AKAP1: variants seen among roughly 807,000 people sequenced by gnomAD.
AKAP1 encodes the protein A-kinase anchor protein 1, mitochondrial.
AKAP1 carries 32 observed loss-of-function variants against 79.8 expected under a neutral mutation model. The observed-to-expected ratio is 0.40, with a 90% confidence interval of 0.30 to 0.54. AKAP1 has a LOEUF of 0.54. Ranked by LOEUF, AKAP1 falls within the 20% of genes least tolerant of loss-of-function variation. The pLI, the probability that AKAP1 is intolerant of heterozygous loss-of-function variation, is 0.47. For missense variants in AKAP1, 961 were observed against 1,138.9 expected (o/e 0.84, Z 2.25); for synonymous variants, 416 against 466.7 (o/e 0.89, Z 1.40).
At chr17:57,115,410 CAGGGGTT>C (rs1254788640) in intron 6 of AKAP1, among the ~76,000 whole-genome samples, 3 of 152,214 alleles carry the variant, frequency 2.0e-5, no homozygotes, top group African/African-American at 7.2e-5. Context: ...GGGTAACTGC[CAGGGGTT>C]CTCTCCAAGG....
At chr17:57,120,158 A>T in intron 10 of AKAP1, 92 bp from the exon 11 acceptor site, 2 of 1,123,352 alleles carry the variant, frequency 1.8e-6, no homozygotes, top group Non-Finnish European at 2.6e-6. Flanking sequence ...TGTTGCCTGC[A>T]GTGGCAACCG....
rs377588182 is a variant in AKAP1, at chr17:57,116,139, G to A, written c.2310G>A (p.Ala770=). ...EITVICAAPG[A]DGAWWRAQVV... ...CGGTCATCTGTGCCGCCCCTGGTGC[G>A]GACGGGGCCTGGTGGCGAGCCCAAG... The change falls in exon 7 of 11, where the codon GCG becomes GCA. Residue 770 remains alanine, a synonymous_variant. Transcript: ENST00000337714. 4.2e-5 allele frequency: 67 copies of A among 1,613,680 alleles called. No individual in the cohort carries two copies. Among genetic ancestry groups the A allele is most frequent in the African/African-American group, 3.6e-4 (27 of 74,938 alleles).
chr17:57,095,425 G>A (rs1288124120), intron 1 of AKAP1: 1 of 151,630 alleles, frequency 6.6e-6, no homozygotes. Flanking sequence ...CGAAGTGTTG[G>A]GGATTGTAGG....
At chr17:57,104,053 G>A (rs1026993042) in intron 1 of AKAP1, among the ~76,000 whole-genome samples, 5 of 152,008 alleles carry the variant, frequency 3.3e-5, no homozygotes, top group Admixed American at 6.6e-5. Flanking sequence ...CCACCCCCCT[G>A]GATTCAAGCA....
Position 57,106,691 on chromosome 17 carries a change from G to A in AKAP1, c.1227G>A (p.Glu409=), listed in dbSNP as rs370545243. Residue 409 remains glutamate, a synonymous_variant, in exon 2 of 11, where the codon GAG becomes GAA. Transcript: ENST00000337714. ...ACACTGCGGAGCCTGCCACAGCAGA[G>A]GCAGCTGTTGCCCCGCCGGATGCTG... ...GPDTAEPATA[E]AAVAPPDAGL... 6.8e-6 allele frequency: 11 copies of A among 1,613,952 alleles called. No individual in the cohort carries two copies. Among genetic ancestry groups the A allele is most frequent in the Non-Finnish European group, 9.3e-6 (11 of 1,180,034 alleles).
chr17:57,103,041 T>C (rs1473846884), intron 1 of AKAP1, among the ~76,000 whole-genome samples: 1 of 152,136 alleles, frequency 6.6e-6, no homozygotes, highest in Non-Finnish European at 1.5e-5. Flanking sequence ...ATCACACCAC[T>C]GCACTCCAGC....
chr17:57,119,129 T>TTG, intron 10 of AKAP1, 85 bp downstream of exon 10: 4 of 1,445,008 alleles, frequency 2.8e-6, no homozygotes, highest in Non-Finnish European at 3.9e-6. Context: ...TTGTTTCCTC[T>TTG]TGAGTTAATC....
chr17:57,095,485 T>TCTGCCCTCCA (rs1914050330), intron 1 of AKAP1: 1 of 138,182 alleles, frequency 7.2e-6, no homozygotes. Context: ...TTTTTTTTTT[T>TCTGCCCTCCA]CTTCTGCCCT....
At position 57,116,104 on chromosome 17, in the gene AKAP1, C is replaced by T; in HGVS notation, c.2282-7C>T. The T allele has an allele frequency of 1.9e-6, 3 of 1,611,656 alleles. No individual in the cohort carries two copies. Among genetic ancestry groups the T allele is most frequent in the Non-Finnish European group, 2.5e-6 (3 of 1,179,806 alleles). On this transcript the variant is annotated splice_region_variant and splice_polypyrimidine_tract_variant and intron_variant, in intron 6 of 10. Transcript: ENST00000337714. ...GCGTTCCACGCACTCTGCTCCCTAC[C>T]CTGCAGTAACGGTCATCTGTGCCGC... is the stretch of plus-strand genomic sequence containing the variant.
intron 1 of AKAP1, among the ~76,000 whole-genome samples, chr17:57,099,734 G>T (rs368043311): frequency 6.6e-6 from 1 of 152,274 alleles, no homozygotes; most frequent in Admixed American, 6.5e-5. Flanking sequence ...AGAGCAGCAG[G>T]CAGAGATGGG....
chr17:57,106,557 G>T lies in AKAP1; in HGVS notation c.1093G>T (p.Ala365Ser). The change falls in exon 2 of 11, where the codon GCC (alanine) becomes TCC (serine). Residue 365 changes from alanine (A) to serine (S), a missense_variant. Ala to Ser is a moderately conservative substitution (Grantham distance 99). Coordinates refer to ENST00000337714, the MANE Select transcript of AKAP1 (RefSeq NM_003488.4). ...CTCAGAAGCAACCGAACAGGTGCTG[G>T]CCACCACGGTTGGCAAGGTTGCAGG... ...VISEATEQVLATTVGKVAGRV... is the reference protein window; with the variant it reads ...VISEATEQVLSTTVGKVAGRV... 6.2e-7 allele frequency: 1 copy of T among 1,614,180 alleles called. No homozygotes were observed. Among genetic ancestry groups the T allele is most frequent in the Non-Finnish European group, 8.5e-7 (1 of 1,180,032 alleles).
intron 7 of AKAP1, 91 bp downstream of exon 7, chr17:57,116,352 G>A (rs1289463629): frequency 2.0e-6 from 3 of 1,531,262 alleles, no homozygotes; most frequent in African/African-American, 2.7e-5. Flanking sequence ...CAGGGCTTGG[G>A]TGAGGGTTAC....
intron 1 of AKAP1, chr17:57,094,714 G>T (rs72843426): frequency 0.092 from 13,741 of 149,818 alleles, 668 homozygotes; most frequent in East Asian, 0.14. Flanking sequence ...GGGCTCAAGT[G>T]ATCCTCCCAC....
At chr17:57,095,552 T>C (rs1418108202) in intron 1 of AKAP1, 1 of 151,396 alleles carries the variant, frequency 6.6e-6, no homozygotes, top group African/African-American at 2.4e-5. Flanking sequence ...GCCTGATTAA[T>C]TTGTGTCCCA....
Position 57,106,306 on chromosome 17 carries a change from A to G in AKAP1, c.842A>G (p.Lys281Arg). ...GAGTCGGCTCACACAGAGCTGGCAA[A>G]GGACGATGCGGCGCCAGCACCCCCA... Reference protein sequence around the residue: ...FIESAHTELAKDDAAPAPPVA... With the variant: ...FIESAHTELARDDAAPAPPVA... Residue 281 changes from lysine (K) to arginine (R), a missense_variant, in exon 2 of 11, where the codon AAG becomes AGG. By Grantham distance (26) the Lys-to-Arg change is conservative. Coordinates refer to ENST00000337714, the MANE Select transcript of AKAP1 (RefSeq NM_003488.4). 1 of 1,614,220 alleles carries G rather than the reference A, an allele frequency of 6.2e-7. No homozygotes were observed. Among genetic ancestry groups the G allele is most frequent in the Non-Finnish European group, 8.5e-7 (1 of 1,180,042 alleles).
intron 1 of AKAP1, among the ~76,000 whole-genome samples, chr17:57,088,848 G>A (rs1913613980): frequency 6.6e-6 from 1 of 152,178 alleles, no homozygotes; most frequent in Admixed American, 6.5e-5. Context: ...TGGTTTGATA[G>A]TTTGCAGCAG....
intron 2 of AKAP1, 43 bp downstream of exon 2, chr17:57,107,221 G>A (rs778213080): frequency 1.1e-5 from 17 of 1,537,530 alleles, no homozygotes; most frequent in Non-Finnish European, 1.4e-5. Flanking sequence ...GGCGCTCCCA[G>A]TATTTCTTGG....
chr17:57,087,794 G>T (rs111326051), intron 1 of AKAP1, among the ~76,000 whole-genome samples: 1 of 152,204 alleles, frequency 6.6e-6, no homozygotes, highest in East Asian at 1.9e-4. Flanking sequence ...CTAGCCTCCT[G>T]CTCCCAGCCT....
intron 1 of AKAP1, among the ~76,000 whole-genome samples, chr17:57,101,962 G>C (rs1314066800): frequency 6.6e-6 from 1 of 152,168 alleles, no homozygotes; most frequent in Non-Finnish European, 1.5e-5. Flanking sequence ...CGGCACATGA[G>C]ATCAACTTCT....
Sources: allele counts gnomAD v4.1 joint callset (sites outside exome capture counted in the v4.1 genomes callset), GRCh38; gene constraint gnomAD v4.1.1; transcripts MANE v1.5; gene names NCBI Gene and HGNC (gene_info 2026-07-23, HGNC 2026-07-21).